MMP26: variants seen among roughly 807,000 people sequenced by gnomAD.
MMP26 encodes matrix metalloproteinase-26.
Under a neutral mutation model 31.0 loss-of-function variants are expected in MMP26, and 33 were observed. The observed-to-expected ratio is 1.06, with a 90% CI of 0.81 to 1.42. MMP26 has a LOEUF of 1.42. Ranked by LOEUF, MMP26 falls within the 40% of genes most tolerant of loss-of-function variation. The pLI, the probability that MMP26 is intolerant of heterozygous loss-of-function variation, is 0.00. For synonymous variants in MMP26, 122 were observed against 114.9 expected (o/e 1.06, Z -0.40); for missense variants, 347 against 316.1 (o/e 1.10, Z -0.74).
At chr11:4,991,858 CT>C in intron 6 of MMP26, 105 bp from the exon 7 acceptor site, 1 of 1,090,302 alleles carries the variant, frequency 9.2e-7, no homozygotes. Context: ...AACATTTGCC[CT>C]TTCCTCGTTT....
intron 2 of MMP26, chr11:4,821,788 G>A: frequency 6.2e-7 from 1 of 1,613,292 alleles, no homozygotes; most frequent in Non-Finnish European, 8.5e-7. Flanking sequence ...CATGGCCTTT[G>A]ATCGTTTTGT....
intron 2 of MMP26, among the ~76,000 whole-genome samples, chr11:4,800,136 G>A (rs1043998926): frequency 6.6e-6 from 1 of 152,190 alleles, no homozygotes; most frequent in African/African-American, 2.4e-5. Flanking sequence ...AGACTGTGTG[G>A]ACACTCTGAC....
intron 2 of MMP26, among the ~76,000 whole-genome samples, chr11:4,768,174 G>A (rs1297255408): frequency 6.6e-6 from 1 of 152,142 alleles, no homozygotes; most frequent in African/African-American, 2.4e-5. Context: ...GCAGAAAAAG[G>A]TTCAGAACAT....
At chr11:4,902,755 G>C (rs1260539530) in intron 2 of MMP26, among the ~76,000 whole-genome samples, 1 of 152,116 alleles carries the variant, frequency 6.6e-6, no homozygotes, top group East Asian at 1.9e-4. Context: ...ACTTAACATG[G>C]AGAATATGTA....
chr11:4,715,453 C>T (rs925810066), intron 1 of MMP26, among the ~76,000 whole-genome samples: 17 of 151,808 alleles, frequency 1.1e-4, no homozygotes, highest in Admixed American at 3.9e-4. Context: ...TTAATTTATA[C>T]GTAGTTCGGT....
chr11:4,723,935 C>T (rs11033544), intron 1 of MMP26: 119,966 of 851,684 alleles, frequency 0.14, 10,463 homozygotes, highest in Middle Eastern at 0.19. Context: ...TTGGGATCTA[C>T]CTCCAGGTTA....
intron 2 of MMP26, among the ~76,000 whole-genome samples, chr11:4,794,526 C>T (rs921847085): frequency 6.6e-6 from 1 of 152,024 alleles, no homozygotes; most frequent in Admixed American, 6.6e-5. Context: ...TGGGTTGGAG[C>T]TTTAGGTATT....
chr11:4,938,937 T>C (rs1846169407), intron 2 of MMP26, among the ~76,000 whole-genome samples: 1 of 152,138 alleles, frequency 6.6e-6, no homozygotes, highest in Non-Finnish European at 1.5e-5. Context: ...CATCAACAAA[T>C]ACATCCTAAT....
intron 2 of MMP26, among the ~76,000 whole-genome samples, chr11:4,974,971 A>C (rs933341782): frequency 6.6e-6 from 1 of 151,776 alleles, no homozygotes; most frequent in Non-Finnish European, 1.5e-5. Flanking sequence ...AGGTGGGGGG[A>C]GGGAGAGTAT....
chr11:4,972,455 T>G (rs1402314125), intron 2 of MMP26, among the ~76,000 whole-genome samples: 1 of 152,210 alleles, frequency 6.6e-6, no homozygotes, highest in Non-Finnish European at 1.5e-5. Context: ...TTTTCATGTA[T>G]GCATGTTAGT....
intron 2 of MMP26, among the ~76,000 whole-genome samples, chr11:4,982,433 C>T (rs1334370906): frequency 6.6e-6 from 1 of 152,124 alleles, no homozygotes; most frequent in Non-Finnish European, 1.5e-5. Context: ...TTATGTGGCA[C>T]ATGACTATAC....
At chr11:4,862,266 T>C (rs1203601076) in intron 2 of MMP26, among the ~76,000 whole-genome samples, 1 of 152,196 alleles carries the variant, frequency 6.6e-6, no homozygotes, top group Non-Finnish European at 1.5e-5. Context: ...ATTTGTTTAA[T>C]GTCCATCTCT....
At chr11:4,887,102 A>G (rs1336234755) in intron 2 of MMP26, among the ~76,000 whole-genome samples, 2 of 151,978 alleles carry the variant, frequency 1.3e-5, no homozygotes, top group African/African-American at 4.8e-5. Flanking sequence ...TTACATTTTC[A>G]GATCTTATAT....
At chr11:4,944,913 G>T (rs1394243255) in intron 2 of MMP26, 1 of 151,678 alleles carries the variant, frequency 6.6e-6, no homozygotes, top group Admixed American at 6.6e-5. Flanking sequence ...CAACAAACAT[G>T]GTCTTATTTT....
intron 2 of MMP26, among the ~76,000 whole-genome samples, chr11:4,897,594 C>T (rs1023195723): frequency 6.6e-6 from 1 of 152,056 alleles, no homozygotes; most frequent in African/African-American, 2.4e-5. Flanking sequence ...AACTGTGAAT[C>T]AAATAAAATC....
chr11:4,793,935 GAGT>G (rs1849067409), intron 2 of MMP26: 1 of 152,228 alleles, frequency 6.6e-6, no homozygotes, highest in African/African-American at 2.4e-5. Context: ...AGAGAAAAAG[GAGT>G]AGAATACTGA....
chr11:4,987,194 T>C (rs1846914381), intron 2 of MMP26, among the ~76,000 whole-genome samples: 1 of 151,820 alleles, frequency 6.6e-6, no homozygotes, highest in Non-Finnish European at 1.5e-5. Context: ...GTCGTGTGAT[T>C]TCTAAGGTAA....
intron 1 of MMP26, among the ~76,000 whole-genome samples, chr11:4,742,739 C>T (rs371669169): frequency 7.9e-5 from 12 of 152,050 alleles, no homozygotes; most frequent in Admixed American, 5.9e-4. Flanking sequence ...AGAATATTGC[C>T]GATGCTCTTT....
At chr11:4,835,762 A>G (rs972792847) in intron 2 of MMP26, among the ~76,000 whole-genome samples, 3 of 152,210 alleles carry the variant, frequency 2.0e-5, no homozygotes, top group African/African-American at 7.2e-5. Context: ...TTCTGTCTAT[A>G]AAATGAGGTG....
Sources: gnomAD v4.1 joint callset for allele counts (sites outside exome capture counted in the v4.1 genomes callset) on GRCh38, gnomAD v4.1.1 for gene constraint, MANE v1.5 for transcripts, NCBI Gene and HGNC (gene_info 2026-07-23, HGNC 2026-07-21) for gene names.